Variants in HBS1L observed in about 807,000 individuals in gnomAD.
The protein encoded by HBS1L is HBS1 like translational GTPase, also known as HBS1-like protein.
Under a neutral mutation model 88.9 loss-of-function variants are expected in HBS1L, and 55 were observed. The ratio of observed to expected loss-of-function variants is 0.62; its 90% CI spans 0.50 to 0.77. The LOEUF is 0.77. Among genes scored for constraint, HBS1L ranks in the 30% least tolerant of loss-of-function variants. HBS1L has a pLI of 0.00. For missense variants in HBS1L, 741 were observed against 829.3 expected, an observed-to-expected ratio of 0.89 and a Z score of 1.31; for synonymous variants, 267 against 288.5, an observed-to-expected ratio of 0.93 and a Z score of 0.76.
intron 4 of HBS1L, among the ~76,000 whole-genome samples, chr6:135,019,946 T>A (rs559354299): frequency 6.6e-6 from 1 of 151,970 alleles, no homozygotes; most frequent in South Asian, 2.1e-4. Flanking sequence ...TGATCTAGCT[T>A]GACAGTGTAT....
intron 4 of HBS1L, among the ~76,000 whole-genome samples, chr6:135,008,995 C>G (rs1475384342): frequency 6.6e-6 from 1 of 152,142 alleles, no homozygotes; most frequent in African/African-American, 2.4e-5. Context: ...TCAATTTACT[C>G]TCTTTACTCA....
intron 7 of HBS1L, among the ~76,000 whole-genome samples, chr6:134,995,655 T>C (rs933250829): frequency 2.0e-5 from 3 of 151,616 alleles, no homozygotes; most frequent in African/African-American, 7.3e-5. Flanking sequence ...CAAAGAAAAC[T>C]AAAAAGCCAC....
rs968277858 is a variant in HBS1L, at chr6:135,016,907, C to T, written c.431-14065G>A. ...GGTAGATTAAAATAACAGGGACATC[C>T]TTGCTCCTCCCTTTTAAAAAGCACT... On this transcript the variant is annotated intron_variant, in intron 4 of 17. Transcript: ENST00000367837. 6.8e-5 allele frequency among the ~76,000 whole-genome samples: 8 copies of T among 117,428 alleles called. No homozygotes were observed. The South Asian group carries it at 9.3e-4, about 14-fold the overall frequency. The allele number at this position is 117,428 out of a possible 152,430, so 77.0% of individuals were successfully genotyped here. A position where few individuals can be genotyped will look rare whatever the true frequency, so the allele number is the denominator to read the frequency against.
intron 1 of HBS1L, 60 bp downstream of exon 1, chr6:135,054,589 C>G: frequency 6.3e-7 from 1 of 1,590,568 alleles, no homozygotes; most frequent in East Asian, 2.2e-5. Flanking sequence ...TGGATGCCAA[C>G]GGGCTAGGAT....
At chr6:135,012,265 T>G (rs976746857) in intron 4 of HBS1L, among the ~76,000 whole-genome samples, 1 of 152,110 alleles carries the variant, frequency 6.6e-6, no homozygotes, top group Admixed American at 6.6e-5. Context: ...CTATGACACA[T>G]GAAGTAGAAA....
At chr6:134,999,006 G>C (rs954363848) in intron 5 of HBS1L, among the ~76,000 whole-genome samples, 18 of 152,134 alleles carry the variant, frequency 1.2e-4, no homozygotes, top group African/African-American at 4.1e-4. Context: ...ATATTTGTTT[G>C]AATGACCACA....
chr6:134,989,757 C>T (rs1180232712), intron 8 of HBS1L, among the ~76,000 whole-genome samples: 1 of 152,142 alleles, frequency 6.6e-6, no homozygotes, highest in East Asian at 1.9e-4. Context: ...TCTTCACTTC[C>T]AATCCCTCAT....
intron 4 of HBS1L, among the ~76,000 whole-genome samples, chr6:135,012,186 A>C (rs1405697865): frequency 6.6e-6 from 1 of 152,214 alleles, no homozygotes; most frequent in Non-Finnish European, 1.5e-5. Context: ...AATGGTTATG[A>C]TGTATCCAAA....
At chr6:134,983,003 T>G (rs1464362476) in intron 12 of HBS1L, 1 of 152,454 alleles carries the variant, frequency 6.6e-6, no homozygotes, top group Non-Finnish European at 1.5e-5. Context: ...ATGGTGAGAA[T>G]AGACATCTGG....
intron 4 of HBS1L, among the ~76,000 whole-genome samples, chr6:135,010,333 C>A (rs1282024815): frequency 1.3e-5 from 2 of 152,108 alleles, no homozygotes; most frequent in East Asian, 3.9e-4. Flanking sequence ...ATATCATATA[C>A]ATAAAAGCAT....
chr6:134,965,409 T>C, intron 17 of HBS1L, 119 bp from the exon 18 acceptor site: 2 of 694,812 alleles, frequency 2.9e-6, no homozygotes, highest in Non-Finnish European at 4.7e-6. Context: ...TTTTTCTTTG[T>C]CCTGCAACTT....
chr6:134,976,257 T>C (rs778992555), intron 15 of HBS1L, among the ~76,000 whole-genome samples: 3 of 151,968 alleles, frequency 2.0e-5, no homozygotes, highest in African/African-American at 4.8e-5. Context: ...CAAAAAACAA[T>C]AGATGTTGCC....
At chr6:134,972,228 T>G (rs190451101) in intron 15 of HBS1L, among the ~76,000 whole-genome samples, 1 of 152,066 alleles carries the variant, frequency 6.6e-6, no homozygotes. Flanking sequence ...ATGGGCTACG[T>G]AGTCTGTTAG....
At chr6:135,022,335 A>C (rs1363556869) in intron 4 of HBS1L, among the ~76,000 whole-genome samples, 1 of 152,010 alleles carries the variant, frequency 6.6e-6, no homozygotes, top group Non-Finnish European at 1.5e-5. Flanking sequence ...AAAAAAAAGC[A>C]AGGTAATTAA....
chr6:135,036,925 A>C (rs1776571087), intron 4 of HBS1L: 2 of 1,551,652 alleles, frequency 1.3e-6, no homozygotes, highest in Non-Finnish European at 8.7e-7. Context: ...TGATGGAGCA[A>C]TGGATGGGTC....
intron 1 of HBS1L, among the ~76,000 whole-genome samples, chr6:135,054,081 G>A (rs1777168902): frequency 6.6e-6 from 1 of 152,186 alleles, no homozygotes; most frequent in Non-Finnish European, 1.5e-5. Flanking sequence ...TTTTTAACAT[G>A]TGTCTTTTCT....
At chr6:135,007,917 C>A (rs1401570461) in intron 4 of HBS1L, among the ~76,000 whole-genome samples, 1 of 152,144 alleles carries the variant, frequency 6.6e-6, no homozygotes, top group Non-Finnish European at 1.5e-5. Context: ...CCTGCCCTAC[C>A]ACTAATTAGC....
At chr6:135,010,469 A>C (rs907222632) in intron 4 of HBS1L, among the ~76,000 whole-genome samples, 1 of 152,192 alleles carries the variant, frequency 6.6e-6, no homozygotes, top group Non-Finnish European at 1.5e-5. Context: ...GTATATGTTT[A>C]CTGATAATTT....
intron 4 of HBS1L, among the ~76,000 whole-genome samples, chr6:135,026,547 C>T (rs966621758): frequency 6.6e-6 from 1 of 151,784 alleles, no homozygotes; most frequent in Non-Finnish European, 1.5e-5. Flanking sequence ...GAGAAAAACC[C>T]ATCTATTAAA....
Sources: allele counts gnomAD v4.1 joint callset (sites outside exome capture counted in the v4.1 genomes callset), GRCh38; gene constraint gnomAD v4.1.1; transcripts MANE v1.5; gene names NCBI Gene and HGNC (gene_info 2026-07-23, HGNC 2026-07-21).